The following CTSA variants were observed in gnomAD, a reference collection of about 807,000 sequenced individuals.
The protein encoded by CTSA is cathepsin A.
CTSA carries 42 observed loss-of-function variants against 66.7 expected under a neutral mutation model. That is an observed-to-expected ratio of 0.63 (90% CI 0.49 to 0.81). The LOEUF (loss-of-function observed/expected upper bound fraction) is 0.81. Among genes scored for constraint, CTSA ranks in the 40% least tolerant of loss-of-function variants. CTSA has a pLI of 0.00. For synonymous variants in CTSA, 225 were observed against 248.6 expected, an observed-to-expected ratio of 0.91 and a Z score of 0.89; for missense variants, 525 against 610.9, an observed-to-expected ratio of 0.86 and a Z score of 1.48.
chr20:45,895,711 G>C (rs1366872266), intron 11 of CTSA, among the ~76,000 whole-genome samples: 2 of 152,166 alleles, frequency 1.3e-5, no homozygotes, highest in Non-Finnish European at 2.9e-5. Flanking sequence ...CTACTGAGTA[G>C]CTGGGTCTAC....
At chr20:45,897,887 C>T in intron 13 of CTSA, 81 bp downstream of exon 13, 10 of 1,503,222 alleles carry the variant, frequency 6.7e-6, no homozygotes, top group Non-Finnish European at 9.3e-6. Context: ...GGCCAGCTGG[C>T]TGCCTGGCTC....
rs1159382283 is a variant in CTSA, at chr20:45,892,776, GA to G, written c.497del (p.Glu166GlyfsTer9). ...ALQDFFRLFP[E>X]YKNNKLFLTG... ...TCAAGATTTCTTCCGCCTCTTTCCG[GA>G]GTACAAGAACAACAAACTTTTCCTG... On this transcript the variant is annotated frameshift_variant, in exon 6 of 15. Coordinates refer to ENST00000646241, the MANE Select transcript of CTSA (RefSeq NM_000308.4). LOFTEE classifies it high-confidence loss of function. 3.1e-6 allele frequency: 5 copies of G among 1,614,072 alleles called. No individual in the cohort carries two copies. In the African/African-American group the frequency reaches 6.7e-5, roughly 22 times the overall value.
chr20:45,896,312 T>C (rs952186851), intron 11 of CTSA: 2 of 154,456 alleles, frequency 1.3e-5, no homozygotes, highest in Admixed American at 6.2e-5. Context: ...TCCATTTTGA[T>C]TGGTCAGTGC....
In CTSA at chr20:45,892,482, G is replaced by T; in HGVS notation, c.442G>T (p.Glu148Ter). 1 of 1,614,034 alleles carries T rather than the reference G, an allele frequency of 6.2e-7. No individual in the cohort carries two copies. The change falls in exon 5 of 15, where the codon GAG (glutamate) becomes TAG (stop). Residue 148 changes from glutamate (E) to a stop codon, truncating the protein, a stop_gained and splice_region_variant. Transcript: ENST00000646241. LOFTEE classifies it high-confidence loss of function. Reference sequence around the variant, plus strand: ...CAAGTTTTATGCAACTAATGACACTGAGGTGAGTCTGGTGCCTGCCCATCT... The same window carrying T: ...CAAGTTTTATGCAACTAATGACACTTAGGTGAGTCTGGTGCCTGCCCATCT... ...DDKFYATNDTEVAQSNFEALQ... is the reference protein window; with the variant it reads ...DDKFYATNDT
intron 8 of CTSA, 39 bp downstream of exon 8, chr20:45,894,111 C>A: frequency 7.2e-7 from 1 of 1,381,062 alleles, no homozygotes; most frequent in Non-Finnish European, 1.0e-6. Flanking sequence ...CTCTCCCATC[C>A]CTAATCCTGA....
Position 45,892,781 on chromosome 20 carries a change from C to T in CTSA, c.501C>T (p.Tyr167=). ...ATTTCTTCCGCCTCTTTCCGGAGTA[C>T]AAGAACAACAAACTTTTCCTGACCG... The part of the protein sequence containing the change: ...LQDFFRLFPE[Y]KNNKLFLTGE... Residue 167 remains tyrosine (Y), a synonymous_variant, in exon 6 of 15, where the codon TAC becomes TAT. Coordinates refer to ENST00000646241, the MANE Select transcript of CTSA (RefSeq NM_000308.4). 1 of 1,614,200 alleles carries T rather than the reference C, an allele frequency of 6.2e-7. No individual in the cohort carries two copies. Among genetic ancestry groups the T allele is most frequent in the East Asian group, 2.2e-5 (1 of 44,886 alleles).
intron 11 of CTSA, among the ~76,000 whole-genome samples, chr20:45,895,921 G>A (rs1288901605): frequency 2.6e-5 from 4 of 152,146 alleles, no homozygotes; most frequent in African/African-American, 4.8e-5. Flanking sequence ...CCGACTGGGC[G>A]CAGTGGTTCA....
intron 11 of CTSA, 28 bp downstream of exon 11, chr20:45,895,161 G>A: frequency 4.3e-6 from 7 of 1,613,852 alleles, no homozygotes; most frequent in Non-Finnish European, 5.9e-6. Context: ...CCTGTGACTT[G>A]GGGTGGTGGG....
In CTSA at chr20:45,897,733, T is replaced by C. The variant is rs1302467178; in HGVS notation, c.1181T>C (p.Leu394Ser). ...CTGCTTTAGAAATACCAGATCCTAT[T>C]ATATAATGGAGATGTAGACATGGCC... ...LLSSQKYQIL[L>S]YNGDVDMACN... The change falls in exon 13 of 15, where the codon TTA becomes TCA. Residue 394 changes from leucine (L) to serine (S), a missense_variant. Coordinates refer to ENST00000646241, the MANE Select transcript of CTSA (RefSeq NM_000308.4). 1.2e-6 allele frequency: 2 copies of C among 1,608,660 alleles called. No individual in the cohort carries two copies. The highest frequency in any genetic ancestry group is 2.7e-5 in the African/African-American group (2 of 74,734).
chr20:45,897,624 C>T (rs1179296051), intron 12 of CTSA, 93 bp from the exon 13 acceptor site: 2 of 800,402 alleles, frequency 2.5e-6, no homozygotes, highest in Non-Finnish European at 4.5e-6. Context: ...TAGCTTGGCC[C>T]CTTGAATTTC....
chr20:45,895,285 G>A (rs1987191667), intron 11 of CTSA, 152 bp downstream of exon 11: 1 of 856,792 alleles, frequency 1.2e-6, no homozygotes, highest in African/African-American at 1.7e-5. Context: ...TCAGTGGATT[G>A]AGAGTCAGCC....
chr20:45,892,957 T>G, intron 6 of CTSA, 77 bp downstream of exon 6: 1 of 1,537,734 alleles, frequency 6.5e-7, no homozygotes, highest in South Asian at 1.1e-5. Flanking sequence ...GACTGACTGG[T>G]CAATGTCCCC....
chr20:45,897,865 A>G (rs917128339), intron 13 of CTSA, 59 bp downstream of exon 13: 18 of 1,512,322 alleles, frequency 1.2e-5, no homozygotes, highest in South Asian at 1.1e-5. Flanking sequence ...GGGAGCGGGT[A>G]TGCCTGGGAG....
intron 7 of CTSA, 160 bp downstream of exon 7, chr20:45,893,471 A>C: frequency 6.5e-6 from 4 of 616,624 alleles, no homozygotes; most frequent in Non-Finnish European, 1.1e-5. Flanking sequence ...AATAGAGATC[A>C]GTTTTTCTTT....
In CTSA at chr20:45,892,885, A is replaced by C; in HGVS notation, c.600+5A>C. The C allele has an allele frequency of 2.5e-6, 4 of 1,613,972 alleles. No individual in the cohort carries two copies. Among genetic ancestry groups the C allele is most frequent in the Middle Eastern group, 1.7e-4 (1 of 5,988 alleles). ...GATCCCAGCATGAACCTTCAGGTGC[A>C]GGGTAGCTGCAGGAGGGAAGGGAGG... On this transcript the variant is annotated splice_donor_5th_base_variant and intron_variant, in intron 6 of 14. Transcript: ENST00000646241.
chr20:45,895,149 C>T lies in CTSA; in HGVS notation c.1088+16C>T. The stretch of plus-strand genomic sequence containing the variant: ...ACATGTGCAAGTGAGGTTCCGTGGC[C>T]ACCTGTGACTTGGGGTGGTGGGTTG... On this transcript the variant is annotated intron_variant, in intron 11 of 14. Coordinates refer to ENST00000646241, the MANE Select transcript of CTSA (RefSeq NM_000308.4). 2 of 1,613,970 alleles carry T rather than the reference C, an allele frequency of 1.2e-6. No homozygotes were observed. Among genetic ancestry groups the T allele is most frequent in the East Asian group, 4.5e-5 (2 of 44,882 alleles).
rs1191336304 is a variant in CTSA, at chr20:45,891,588, C to T, written c.20C>T (p.Pro7Leu). The T allele has an allele frequency of 1.9e-6, 3 of 1,577,298 alleles. No homozygotes were observed. Among genetic ancestry groups the T allele is most frequent in the Middle Eastern group, 1.7e-4 (1 of 5,970 alleles). The change falls in exon 2 of 15, where the codon CCG (proline) becomes CTG (leucine). Residue 7 changes from proline to leucine, a missense_variant. Transcript: ENST00000646241. The surrounding 1 kb of genome is among the most constrained non-coding windows in gnomAD (Gnocchi z 4.6). Reference sequence around the variant, plus strand: ...CCGTAGATGATCCGAGCCGCGCCGCCGCCGCTGTTCCTGCTGCTGCTGCTG... The same window carrying T: ...CCGTAGATGATCCGAGCCGCGCCGCTGCCGCTGTTCCTGCTGCTGCTGCTG... MIRAAPPPLFLLLLLLL... is the reference protein window; with the variant it reads MIRAAPLPLFLLLLLLL...
rs1987030082 is a variant in CTSA at position 45,892,703 on chromosome 20, TGTCTTGCTCTGCCATCCCCAG to T, written c.445-18_447del. 1.2e-6 allele frequency: 2 copies of T among 1,614,094 alleles called. No homozygotes were observed. Among genetic ancestry groups the T allele is most frequent in the Admixed American group, 1.7e-5 (1 of 60,014 alleles). On this transcript the variant is annotated splice_acceptor_variant and splice_polypyrimidine_tract_variant and intron_variant, in intron 5 of 14. Coordinates refer to ENST00000646241, the MANE Select transcript of CTSA (RefSeq NM_000308.4). LOFTEE classifies it high-confidence loss of function. ...AATACCAAAGCTTCCTGATTCCCTC[TGTCTTGCTCTGCCATCCCCAG>T]GTCGCCCAGAGCAATTTTGAGGCCC...
At chr20:45,896,800 C>T in intron 11 of CTSA, 165 bp from the exon 12 acceptor site, 1 of 684,220 alleles carries the variant, frequency 1.5e-6, no homozygotes, top group Non-Finnish European at 2.7e-6. Context: ...TCCAGCCCAA[C>T]ATCCAAGTCA....
Sources: allele counts gnomAD v4.1 joint callset (sites outside exome capture counted in the v4.1 genomes callset), GRCh38; gene constraint gnomAD v4.1.1; non-coding constraint Gnocchi (gnomAD v3.1); transcripts MANE v1.5; gene names NCBI Gene and HGNC (gene_info 2026-07-23, HGNC 2026-07-21).